Variants in RUSC2 observed in about 807,000 individuals in gnomAD.
RUSC2 encodes AP-4 complex accessory subunit RUSC2.
Under a neutral mutation model 122.2 loss-of-function variants are expected in RUSC2, and 34 were observed. The observed-to-expected ratio is 0.28, with a 90% CI of 0.21 to 0.37. RUSC2 has a LOEUF of 0.37. Among genes scored for constraint, RUSC2 ranks in the 10% least tolerant of loss-of-function variants. RUSC2 has a pLI of 1.00. For missense variants in RUSC2, 1,747 were observed against 1,952.4 expected, an observed-to-expected ratio of 0.89 and a Z score of 1.98; for synonymous variants, 784 against 790.0, an observed-to-expected ratio of 0.99 and a Z score of 0.13.
intron 1 of RUSC2, among the ~76,000 whole-genome samples, chr9:35,528,910 A>AC (rs1184094430): frequency 6.6e-6 from 1 of 151,836 alleles, no homozygotes; most frequent in African/African-American, 2.4e-5. Context: ...ACATAATGAG[A>AC]CCCCCATCTT....
At chr9:35,523,135 TAAC>T (rs575021916) in intron 1 of RUSC2, among the ~76,000 whole-genome samples, 3 of 152,378 alleles carry the variant, frequency 2.0e-5, no homozygotes, top group South Asian at 4.1e-4. Flanking sequence ...CTATACTTAT[TAAC>T]AACATCTAAA....
intron 4 of RUSC2, 57 bp downstream of exon 4, chr9:35,556,194 G>A: frequency 3.7e-6 from 6 of 1,602,768 alleles, no homozygotes; most frequent in Non-Finnish European, 5.1e-6. Context: ...GCTGGAAAGG[G>A]CTAGAGAAGG....
At chr9:35,533,258 A>AAAAG (rs376652098) in intron 1 of RUSC2, among the ~76,000 whole-genome samples, 1 of 150,788 alleles carries the variant, frequency 6.6e-6, no homozygotes. Flanking sequence ...AAAAAAAAAA[A>AAAAG]AAGAAGAATT....
At position 35,560,104 on chromosome 9, in the gene RUSC2, AGCT is replaced by A. The variant is rs752247736; in HGVS notation, c.3477_3479del (p.Leu1160del). ...ACCGTGTGTCCCGGCCTCTTTGAAG[AGCT>A]GCTGCTGCTGCTACAGCCCCTGGCC... On this transcript the variant is annotated inframe_deletion, in exon 10 of 12. Coordinates refer to ENST00000361226, the MANE Select transcript of RUSC2 (RefSeq NM_014806.5). 8.7e-6 allele frequency: 14 copies of A among 1,612,720 alleles called. No individual in the cohort carries two copies. The highest frequency in any genetic ancestry group is 1.3e-5 in the African/African-American group (1 of 74,914).
intron 1 of RUSC2, among the ~76,000 whole-genome samples, chr9:35,513,915 T>C (rs1025556739): frequency 3.5e-5 from 5 of 142,978 alleles, no homozygotes; most frequent in African/African-American, 1.3e-4. Flanking sequence ...TATATATATA[T>C]ATATATATAT....
rs749532539 is a variant in RUSC2, at chr9:35,561,250, C to T, written c.4419C>T (p.Ile1473=). ...PGQLSFHKGD[I]LRVLGRAGGD... is the part of the protein sequence containing the mutation. ...AGCTGAGCTTCCACAAAGGAGACAT[C>T]CTACGAGTGCTGGGGCGAGCTGGAG... Residue 1473 remains isoleucine (I), a synonymous_variant, in exon 12 of 12, where the codon ATC becomes ATT. Transcript: ENST00000361226. 4 of 1,614,196 alleles carry T rather than the reference C, an allele frequency of 2.5e-6. No homozygotes were observed. In the South Asian group the frequency reaches 4.4e-5, roughly 18 times the overall value.
intron 1 of RUSC2, among the ~76,000 whole-genome samples, chr9:35,516,210 T>C (rs962334296): frequency 6.6e-6 from 1 of 152,102 alleles, no homozygotes; most frequent in East Asian, 1.9e-4. Flanking sequence ...GATGCTTCTA[T>C]AGCAGTTTGC....
At position 35,555,242 on chromosome 9, in the gene RUSC2, C is replaced by T. The variant is rs1418566143; in HGVS notation, c.2197C>T (p.Pro733Ser). 2 of 1,613,184 alleles carry T rather than the reference C, an allele frequency of 1.2e-6. No individual in the cohort carries two copies. The change falls in exon 3 of 12, where the codon CCA (proline) becomes TCA (serine). Residue 733 changes from proline (P) to serine (S), a missense_variant. By Grantham distance (74) the Pro-to-Ser change is moderately conservative (BLOSUM62 -1). Transcript: ENST00000361226. The surrounding 1 kb of genome is among the most constrained non-coding windows in gnomAD (Gnocchi z 4.6). ...CTGCAGCCGTACACAGCAGCCTGCC[C>T]CACTGGCTGCCCCTGCTGCTCAAGT... ...SGCSRTQQPA[P>S]LAAPAAQVSV...
intron 1 of RUSC2, among the ~76,000 whole-genome samples, chr9:35,541,580 G>A (rs1177763974): frequency 5.9e-5 from 9 of 151,920 alleles, no homozygotes; most frequent in Non-Finnish European, 1.3e-4. Flanking sequence ...CCAAGTAGCT[G>A]GGATTACAGG....
intron 1 of RUSC2, among the ~76,000 whole-genome samples, chr9:35,510,738 A>G (rs1414998909): frequency 2.6e-5 from 4 of 152,238 alleles, no homozygotes; most frequent in Non-Finnish European, 5.9e-5. Flanking sequence ...GCAGAGAAGG[A>G]AACTCTTCTA....
At chr9:35,495,038 CTATAGTATATATAATA>C (rs1820657807) in intron 1 of RUSC2, among the ~76,000 whole-genome samples, 1 of 70,428 alleles carries the variant, frequency 1.4e-5, no homozygotes, top group African/African-American at 6.3e-5. Flanking sequence ...ATTATATATA[CTATAGTATATATAATA>C]TATACTATAG....
intron 1 of RUSC2, among the ~76,000 whole-genome samples, chr9:35,510,210 A>T (rs893480899): frequency 6.6e-6 from 1 of 152,332 alleles, no homozygotes; most frequent in Non-Finnish European, 1.5e-5. Context: ...AGAGTTTTCA[A>T]TTCAGGCATA....
chr9:35,496,984 A>G (rs549385546), intron 1 of RUSC2, among the ~76,000 whole-genome samples: 2 of 152,232 alleles, frequency 1.3e-5, no homozygotes, highest in African/African-American at 4.8e-5. Context: ...ATGAGTATGT[A>G]TACTTGAATC....
chr9:35,529,050 A>G (rs1821372723), intron 1 of RUSC2, among the ~76,000 whole-genome samples: 1 of 152,224 alleles, frequency 6.6e-6, no homozygotes, highest in Non-Finnish European at 1.5e-5. Context: ...GTTCTATTAT[A>G]TTCCGTTACA....
At chr9:35,494,585 A>G (rs887939526) in intron 1 of RUSC2, among the ~76,000 whole-genome samples, 1 of 152,022 alleles carries the variant, frequency 6.6e-6, no homozygotes, top group African/African-American at 2.4e-5. Context: ...CCTATCGGCC[A>G]TTTGTATATC....
intron 1 of RUSC2, among the ~76,000 whole-genome samples, chr9:35,531,854 C>G (rs1358267179): frequency 6.6e-6 from 1 of 152,022 alleles, no homozygotes; most frequent in Non-Finnish European, 1.5e-5. Flanking sequence ...TGAAACCCCT[C>G]CTCTACTAAA....
Position 35,547,984 on chromosome 9 carries a change from A to G in RUSC2, c.1463A>G (p.Asn488Ser). 1.2e-6 allele frequency: 2 copies of G among 1,614,022 alleles called. No individual in the cohort carries two copies. The highest frequency in any genetic ancestry group is 1.7e-4 in the Middle Eastern group (1 of 6,060). ...GQVYTNTSPP[N>S]LSTGRQRSRS... ...GTATACACGAATACTTCACCCCCCA[A>G]CCTCAGCACTGGACGTCAGCGCTCC... The change falls in exon 2 of 12, where the codon AAC becomes AGC. Residue 488 changes from asparagine (N) to serine (S), a missense_variant. Transcript: ENST00000361226. The surrounding 1 kb of genome is among the most constrained non-coding windows in gnomAD (Gnocchi z 4.6).
intron 1 of RUSC2, among the ~76,000 whole-genome samples, chr9:35,505,276 G>A (rs1820892085): frequency 6.6e-6 from 1 of 152,108 alleles, no homozygotes; most frequent in African/African-American, 2.4e-5. Context: ...CAAATGCACT[G>A]GGAGTCTATG....
At chr9:35,520,056 A>G (rs913891432) in intron 1 of RUSC2, among the ~76,000 whole-genome samples, 3 of 152,344 alleles carry the variant, frequency 2.0e-5, no homozygotes, top group South Asian at 2.1e-4. Flanking sequence ...AAACAAAAAT[A>G]TATAAGTTAC....
Sources: gnomAD v4.1 joint callset for allele counts (sites outside exome capture counted in the v4.1 genomes callset) on GRCh38, gnomAD v4.1.1 for gene constraint, Gnocchi (gnomAD v3.1) non-coding constraint, MANE v1.5 for transcripts, NCBI Gene and HGNC (gene_info 2026-07-23, HGNC 2026-07-21) for gene names.